POLR3G: variants seen among roughly 807,000 people sequenced by gnomAD.
POLR3G encodes DNA-directed RNA polymerase III subunit RPC7.
A neutral mutation model predicts 30.1 loss-of-function variants in POLR3G; 28 were observed. The observed-to-expected ratio is 0.93, with a 90% CI of 0.69 to 1.27. The LOEUF is 1.27. POLR3G is among the 50% of genes most tolerant of loss of function. POLR3G has a pLI of 0.00. For synonymous variants in POLR3G, 79 were observed against 82.5 expected (o/e 0.96, Z 0.23); for missense variants, 254 against 264.6 (o/e 0.96, Z 0.28).
chr5:90,501,923 A>T lies in POLR3G; in HGVS notation c.373A>T (p.Lys125Ter). ...TACTTCAGCAGGCCCAAAACCCAAA[A>T]AGGCAAAAGACGCAGGCAAAGGCAC... ...KCKKAGPKPK[K>*]AKDAGKGTPL... Residue 125 changes from lysine (K) to a stop codon, truncating the protein, a stop_gained, in exon 6 of 8, where the codon AAG becomes TAG. Coordinates refer to ENST00000651687, the MANE Select transcript of POLR3G (RefSeq NM_006467.3). LOFTEE classifies it high-confidence loss of function. The T allele has an allele frequency of 6.2e-7, 1 of 1,613,494 alleles. No homozygotes were observed. Among genetic ancestry groups the T allele is most frequent in the Non-Finnish European group, 8.5e-7 (1 of 1,179,602 alleles).
chr5:90,502,483 T>C, intron 6 of POLR3G: 1 of 657,866 alleles, frequency 1.5e-6, no homozygotes, highest in African/African-American at 2.0e-5. Flanking sequence ...TAAAAAAATG[T>C]AGATTCAGAA....
chr5:90,490,749 T>G, intron 3 of POLR3G: 4 of 263,168 alleles, frequency 1.5e-5, no homozygotes, highest in South Asian at 1.4e-4. Flanking sequence ...AACACACGCA[T>G]GTTAAAAATA....
intron 1 of POLR3G, among the ~76,000 whole-genome samples, chr5:90,483,128 G>A (rs1355472646): frequency 4.1e-5 from 4 of 97,650 alleles, no homozygotes; most frequent in Non-Finnish European, 7.8e-5. Flanking sequence ...CAACAAGACC[G>A]AAACTCCTCC....
intron 3 of POLR3G, among the ~76,000 whole-genome samples, chr5:90,493,676 A>AT (rs70999488): frequency 1.9e-5 from 1 of 51,466 alleles, no homozygotes; most frequent in Non-Finnish European, 3.9e-5. Flanking sequence ...CCACTATTTA[A>AT]TTTTTTTTTT....
In POLR3G at chr5:90,506,808, A is replaced by G. The variant is rs1752509072; in HGVS notation, c.585+134A>G. The G allele has an allele frequency of 2.3e-6, 3 of 1,325,346 alleles. 1 individual carries two copies. Among genetic ancestry groups the G allele is most frequent in the Middle Eastern group, 4.9e-4 (2 of 4,106 alleles). 82.1% of individuals were successfully genotyped at this position (1,325,346 alleles called of 1,614,324 possible). A position where few individuals can be genotyped will look rare whatever the true frequency, so the allele number is the denominator to read the frequency against. The stretch of plus-strand genomic sequence containing the variant: ...CCAGAAGTATATTATTATCAATGGC[A>G]TCGATTCCTTGCTATCAAGAGAACT... On this transcript the variant is annotated intron_variant, in intron 7 of 7. Coordinates refer to ENST00000651687, the MANE Select transcript of POLR3G (RefSeq NM_006467.3).
intron 6 of POLR3G, 82 bp from the exon 7 acceptor site, chr5:90,506,446 G>C: frequency 6.7e-7 from 1 of 1,491,778 alleles, no homozygotes; most frequent in Non-Finnish European, 8.9e-7. Flanking sequence ...TAAGGTGATA[G>C]ATAACTGTTC....
intron 4 of POLR3G, among the ~76,000 whole-genome samples, chr5:90,497,011 T>C (rs1220786135): frequency 6.6e-6 from 1 of 152,240 alleles, no homozygotes; most frequent in Non-Finnish European, 1.5e-5. Context: ...CTCCAAATTT[T>C]CTTTAAAAGC....
Position 90,506,640 on chromosome 5 carries a change from A to G in POLR3G, c.551A>G (p.Glu184Gly). The change falls in exon 7 of 8, where the codon GAA becomes GGA. Residue 184 changes from glutamate to glycine, a missense_variant. Coordinates refer to ENST00000651687, the MANE Select transcript of POLR3G (RefSeq NM_006467.3). Reference protein sequence around the residue: ...GDDDDDDDAAEQEEYDEEEQE... With the variant: ...GDDDDDDDAAGQEEYDEEEQE... ...GATGACGATGACGATGATGCCGCAG[A>G]ACAGGAGGAATATGATGAAGAAGAG... is the stretch of plus-strand genomic sequence containing the variant. The G allele has an allele frequency of 6.2e-7, 1 of 1,612,588 alleles. No homozygotes were observed. Among genetic ancestry groups the G allele is most frequent in the South Asian group, 1.1e-5 (1 of 90,626 alleles).
Position 90,487,969 on chromosome 5 carries a change from G to GA in POLR3G, c.118-24dup, listed in dbSNP as rs752076941. 78 of 1,500,664 alleles carry GA rather than the reference G, an allele frequency of 5.2e-5. 1 individual carries two copies. The South Asian group carries it at 9.3e-4, about 18-fold the overall frequency. The allele number at this position is 1,500,664 out of a possible 1,614,324, so 93.0% of individuals were successfully genotyped here. A position where few individuals can be genotyped will look rare whatever the true frequency, so the allele number is the denominator to read the frequency against. ...GGATATTAAAATACATAATTGATTT[G>GA]AAAAAAATCTTTGTCTCTTAATTTA... On this transcript the variant is annotated intron_variant, in intron 2 of 7. Coordinates refer to ENST00000651687, the MANE Select transcript of POLR3G (RefSeq NM_006467.3).
At chr5:90,507,987 G>A (rs1327175467) in intron 7 of POLR3G, among the ~76,000 whole-genome samples, 17 of 151,676 alleles carry the variant, frequency 1.1e-4, no homozygotes, top group African/African-American at 4.8e-5. Flanking sequence ...TCCTCCCAGC[G>A]CACACACTAG....
rs1425991168 is a variant in POLR3G, at chr5:90,514,537, C to T, written c.*2398C>T. ...TTTGTTCCAAATATTCTTGAATAAA[C>T]AATCACCACAAACAACAAAACTCTG... On this transcript the variant is annotated 3_prime_UTR_variant, in exon 8 of 8. Coordinates refer to ENST00000651687, the MANE Select transcript of POLR3G (RefSeq NM_006467.3). 1 of 152,110 alleles carries T rather than the reference C, an allele frequency of 6.6e-6. No homozygotes were observed. Among genetic ancestry groups the T allele is most frequent in the Non-Finnish European group, 1.5e-5 (1 of 68,008 alleles). 9.4% of individuals were successfully genotyped at this position (152,110 alleles called of 1,614,324 possible). A position where few individuals can be genotyped will look rare whatever the true frequency, so the allele number is the denominator to read the frequency against.
chr5:90,503,369 G>T (rs989464863), intron 6 of POLR3G, among the ~76,000 whole-genome samples: 2 of 152,186 alleles, frequency 1.3e-5, no homozygotes, highest in Non-Finnish European at 2.9e-5. Flanking sequence ...GAAAAATAAA[G>T]CCAGAGTACT....
intron 2 of POLR3G, among the ~76,000 whole-genome samples, chr5:90,486,667 G>A (rs1751455259): frequency 6.6e-6 from 1 of 152,154 alleles, no homozygotes; most frequent in South Asian, 2.1e-4. Flanking sequence ...ACCTCCCCAA[G>A]AGGCCAGGCA....
chr5:90,478,083 G>A (rs542176974), intron 1 of POLR3G, among the ~76,000 whole-genome samples: 14 of 152,340 alleles, frequency 9.2e-5, no homozygotes, highest in African/African-American at 2.2e-4. Flanking sequence ...TGTGTAAGAC[G>A]TGGAGGACAA....
intron 4 of POLR3G, among the ~76,000 whole-genome samples, chr5:90,497,406 T>C (rs1229992729): frequency 1.3e-5 from 2 of 152,194 alleles, no homozygotes; most frequent in Non-Finnish European, 2.9e-5. Context: ...CCATAAGGTT[T>C]CCTTCACCAA....
intron 7 of POLR3G, among the ~76,000 whole-genome samples, 166 bp from the exon 8 acceptor site, chr5:90,511,887 C>G (rs563011767): frequency 1.3e-5 from 2 of 152,196 alleles, no homozygotes; most frequent in Non-Finnish European, 2.9e-5. Flanking sequence ...TAGTGCCTGA[C>G]AAGAGTGGAA....
intron 1 of POLR3G, among the ~76,000 whole-genome samples, chr5:90,475,495 T>TTATG (rs1161185454): frequency 8.5e-6 from 1 of 117,026 alleles, no homozygotes; most frequent in Non-Finnish European, 1.9e-5. Flanking sequence ...TATTATTTAT[T>TTATG]TATTTATTTA....
At chr5:90,501,551 G>A (rs922477611) in intron 5 of POLR3G, among the ~76,000 whole-genome samples, 9 of 152,142 alleles carry the variant, frequency 5.9e-5, no homozygotes, top group Non-Finnish European at 8.8e-5. Context: ...AGTGCAGGTG[G>A]ATTTGTGGGA....
At chr5:90,504,240 T>C (rs141705518) in intron 6 of POLR3G, among the ~76,000 whole-genome samples, 1 of 152,092 alleles carries the variant, frequency 6.6e-6, no homozygotes. Flanking sequence ...CTGGTTCCTA[T>C]GTGGCACTGA....
Sources: allele counts gnomAD v4.1 joint callset (sites outside exome capture counted in the v4.1 genomes callset), GRCh38; gene constraint gnomAD v4.1.1; transcripts MANE v1.5; gene names NCBI Gene and HGNC (gene_info 2026-07-23, HGNC 2026-07-21).